Variants in DPP6 observed in about 807,000 individuals in gnomAD.
DPP6 encodes the protein A-type potassium channel modulatory protein DPP6.
In DPP6, 69 loss-of-function variants were observed where a neutral mutation model predicts 122.6. The ratio of observed to expected loss-of-function variants is 0.56; its 90% CI spans 0.46 to 0.69. The LOEUF is 0.69. DPP6 is among the 30% of genes least tolerant of loss of function. The pLI is 0.00. For synonymous variants in DPP6, 418 were observed against 433.1 expected, an observed-to-expected ratio of 0.97 and a Z score of 0.43; for missense variants, 928 against 1,116.9, an observed-to-expected ratio of 0.83 and a Z score of 2.41.
chr7:154,701,693 G>T (rs140124728), intron 7 of DPP6, among the ~76,000 whole-genome samples: 351 of 152,294 alleles, frequency 2.3e-3, no homozygotes, highest in African/African-American at 8.1e-3. Flanking sequence ...TGCCACCTGT[G>T]AAAGGTTCAT....
chr7:154,858,593 G>T (rs376076028), intron 17 of DPP6: 1 of 152,402 alleles, frequency 6.6e-6, no homozygotes, highest in Non-Finnish European at 1.5e-5. Context: ...TGGGGTGAGC[G>T]TGCGGCACGG....
chr7:154,489,806 G>C (rs10248354), intron 3 of DPP6, among the ~76,000 whole-genome samples: 1 of 152,144 alleles, frequency 6.6e-6, no homozygotes, highest in Non-Finnish European at 1.5e-5. Flanking sequence ...TGCTGGTCAG[G>C]CCTCTCTCCT....
At chr7:154,538,505 A>G (rs1161943403) in intron 3 of DPP6, among the ~76,000 whole-genome samples, 1 of 152,076 alleles carries the variant, frequency 6.6e-6, no homozygotes, top group Non-Finnish European at 1.5e-5. Flanking sequence ...GGTGATCAGT[A>G]ATGTGGGGGC....
intron 1 of DPP6, among the ~76,000 whole-genome samples, chr7:154,345,318 C>G (rs976683871): frequency 7.9e-5 from 12 of 152,292 alleles, no homozygotes; most frequent in Non-Finnish European, 1.5e-4. Context: ...CCACCTGATA[C>G]CATCCCACTA....
intron 3 of DPP6, among the ~76,000 whole-genome samples, chr7:154,535,696 AAATT>A (rs1166031741): frequency 6.6e-6 from 1 of 152,080 alleles, no homozygotes; most frequent in Non-Finnish European, 1.5e-5. Flanking sequence ...AAAAAAAAAA[AAATT>A]AAAAGTGGAC....
intron 19 of DPP6, among the ~76,000 whole-genome samples, chr7:154,873,985 C>G (rs941048669): frequency 6.7e-6 from 1 of 148,718 alleles, no homozygotes; most frequent in Non-Finnish European, 1.5e-5. Flanking sequence ...CACACACATG[C>G]ATACCCACAT....
intron 1 of DPP6, among the ~76,000 whole-genome samples, chr7:153,985,464 T>C (rs1460221585): frequency 5.9e-5 from 9 of 152,138 alleles, no homozygotes; most frequent in Admixed American, 3.3e-4. Flanking sequence ...GCTCCCCGGG[T>C]GGCCCAAGGC....
intron 3 of DPP6, among the ~76,000 whole-genome samples, chr7:154,498,488 C>A (rs1824947422): frequency 6.6e-6 from 1 of 152,170 alleles, no homozygotes; most frequent in South Asian, 2.1e-4. Flanking sequence ...CAGGCACATG[C>A]CACCACACCT....
intron 1 of DPP6, among the ~76,000 whole-genome samples, chr7:153,904,298 C>T (rs370347518): frequency 8.5e-5 from 13 of 152,190 alleles, no homozygotes; most frequent in Admixed American, 3.3e-4. Context: ...GTGATATGCC[C>T]GCCTCAGCCT....
At chr7:154,612,905 G>C (rs1834000366) in intron 5 of DPP6, among the ~76,000 whole-genome samples, 1 of 152,144 alleles carries the variant, frequency 6.6e-6, no homozygotes, top group African/African-American at 2.4e-5. Flanking sequence ...AGACTGAGTA[G>C]CTTCACAGAA....
chr7:154,684,968 A>G (rs1351624636), intron 7 of DPP6, among the ~76,000 whole-genome samples: 1 of 152,188 alleles, frequency 6.6e-6, no homozygotes. Context: ...GACTCTGATA[A>G]CTCCCTACAA....
chr7:154,353,155 C>G (rs556910356), intron 1 of DPP6, among the ~76,000 whole-genome samples: 1 of 152,282 alleles, frequency 6.6e-6, no homozygotes, highest in East Asian at 1.9e-4. Flanking sequence ...TAACAGGTCC[C>G]CTGGGTGACC....
At chr7:154,401,975 C>T (rs911795086) in intron 1 of DPP6, among the ~76,000 whole-genome samples, 1 of 152,182 alleles carries the variant, frequency 6.6e-6, no homozygotes, top group Non-Finnish European at 1.5e-5. Context: ...GACATTTATG[C>T]AGCCAAAAAA....
chr7:154,459,805 C>CAAAAAAAAA (rs775605275), intron 2 of DPP6, among the ~76,000 whole-genome samples: 19 of 63,074 alleles, frequency 3.0e-4, no homozygotes, highest in Admixed American at 5.0e-4. Flanking sequence ...GATTCCATCT[C>CAAAAAAAAA]AAAAAAAAAA....
In DPP6 at chr7:154,178,364, CT is replaced by C. The variant is rs1164618497; in HGVS notation, c.243+125314del. On this transcript the variant is annotated intron_variant, in intron 1 of 25. Coordinates refer to ENST00000377770, the MANE Select transcript of DPP6 (RefSeq NM_130797.4). ...TTTAAAGTGCTTTCATGCTGACCAT[CT>C]TTTTTTTTTTTTCCTTCTATCTTCA... 3.1e-3 allele frequency among the ~76,000 whole-genome samples: 449 copies of C among 144,566 alleles called. 3 individuals carry two copies. The highest frequency in any genetic ancestry group is 0.013 in the Admixed American group (191 of 14,368). 94.8% of individuals were successfully genotyped at this position (144,566 alleles called of 152,430 possible).
Position 153,987,462 on chromosome 7 carries a change from A to T in DPP6, c.51+99728A>T, listed in dbSNP as rs574459842. Among the ~76,000 whole-genome samples the T allele has an allele frequency of 2.6e-5, 4 of 152,316 alleles. No homozygotes were observed. In the South Asian group the frequency reaches 8.3e-4, roughly 32 times the overall value. On this transcript the variant is annotated intron_variant, in intron 1 of 25. Coordinates refer to the DPP6 transcript ENST00000404039. ...GCTTATTCCCCCTCACCAGGGAAGG[A>T]GTTAGTGGGAGATTCTCAATCTGGT...
intron 20 of DPP6, among the ~76,000 whole-genome samples, chr7:154,879,346 C>T (rs10239857): frequency 2.2e-5 from 3 of 137,926 alleles, no homozygotes; most frequent in Non-Finnish European, 3.0e-5. Context: ...TTTGGGAGGC[C>T]GAGGCGGGCG....
chr7:154,730,727 C>G (rs1842297984), intron 8 of DPP6, among the ~76,000 whole-genome samples: 1 of 152,126 alleles, frequency 6.6e-6, no homozygotes, highest in Non-Finnish European at 1.5e-5. Flanking sequence ...CAAGGTGTGT[C>G]CCCCGTCCCT....
chr7:154,716,707 C>T (rs894694106), intron 7 of DPP6, among the ~76,000 whole-genome samples: 39 of 149,420 alleles, frequency 2.6e-4, no homozygotes, highest in East Asian at 1.5e-3. Flanking sequence ...TTTTTTTCTC[C>T]TGAATGGTTT....
Sources: gnomAD v4.1 joint callset for allele counts (sites outside exome capture counted in the v4.1 genomes callset) on GRCh38, gnomAD v4.1.1 for gene constraint, MANE v1.5 for transcripts, NCBI Gene and HGNC (gene_info 2026-07-23, HGNC 2026-07-21) for gene names.